The following UBE3D variants were observed in gnomAD, a reference collection of about 807,000 sequenced individuals.
The protein encoded by UBE3D is E3 ubiquitin-protein ligase E3D.
Under a neutral mutation model 49.6 loss-of-function variants are expected in UBE3D, and 48 were observed. That is an observed-to-expected ratio of 0.97 (90% CI 0.77 to 1.23). The LOEUF is 1.23. UBE3D is among the 50% of genes most tolerant of loss of function. UBE3D has a pLI of 0.00. For synonymous variants in UBE3D, 189 were observed against 174.2 expected (o/e 1.08, Z -0.67); for missense variants, 452 against 468.4 (o/e 0.96, Z 0.32).
intron 1 of UBE3D, among the ~76,000 whole-genome samples, chr6:83,060,475 T>A (rs958974604): frequency 6.6e-6 from 1 of 152,206 alleles, no homozygotes; most frequent in East Asian, 1.9e-4. Flanking sequence ...TGTAAATGCA[T>A]GTATGTACAT....
intron 8 of UBE3D, among the ~76,000 whole-genome samples, chr6:83,000,284 A>G (rs1463669845): frequency 6.6e-6 from 1 of 152,212 alleles, no homozygotes; most frequent in African/African-American, 2.4e-5. Context: ...TCTCTTGAAC[A>G]ACTCAAATGC....
intron 4 of UBE3D, among the ~76,000 whole-genome samples, chr6:83,038,747 T>A (rs1782444311): frequency 6.6e-6 from 1 of 152,174 alleles, no homozygotes; most frequent in African/African-American, 2.4e-5. Context: ...ATAATTTGAA[T>A]AAGTAGTACC....
At chr6:82,922,313 G>C (rs1046680331) in intron 9 of UBE3D, among the ~76,000 whole-genome samples, 1 of 152,120 alleles carries the variant, frequency 6.6e-6, no homozygotes, top group Non-Finnish European at 1.5e-5. Context: ...TTTTACAAAT[G>C]AATTTTATGA....
At chr6:82,944,551 G>C (rs1775259266) in intron 9 of UBE3D, among the ~76,000 whole-genome samples, 1 of 152,232 alleles carries the variant, frequency 6.6e-6, no homozygotes, top group Non-Finnish European at 1.5e-5. Context: ...GATGGCTATG[G>C]TGAGAAACTC....
At chr6:82,894,361 C>T (rs1771156729) in intron 9 of UBE3D, among the ~76,000 whole-genome samples, 1 of 152,156 alleles carries the variant, frequency 6.6e-6, no homozygotes, top group African/African-American at 2.4e-5. Context: ...GCCCAAGGAA[C>T]ATCCTATGAC....
At chr6:83,009,745 A>C (rs1419820739) in intron 8 of UBE3D, among the ~76,000 whole-genome samples, 1 of 144,512 alleles carries the variant, frequency 6.9e-6, no homozygotes, top group African/African-American at 2.5e-5. Context: ...GTTTTTGGAG[A>C]GACAGAATAG....
chr6:82,914,229 CTT>C (rs982692323), intron 9 of UBE3D, among the ~76,000 whole-genome samples: 4 of 152,142 alleles, frequency 2.6e-5, no homozygotes, highest in Non-Finnish European at 5.9e-5. Context: ...TGCAGTCTGA[CTT>C]TTAGAAAGGG....
chr6:82,981,996 T>C (rs1461413873), intron 8 of UBE3D, among the ~76,000 whole-genome samples: 1 of 152,136 alleles, frequency 6.6e-6, no homozygotes, highest in Non-Finnish European at 1.5e-5. Context: ...AATAAGCAAA[T>C]AGGCAGAGAC....
intron 8 of UBE3D, among the ~76,000 whole-genome samples, chr6:82,975,970 GAGA>G (rs1344250340): frequency 6.6e-6 from 1 of 152,140 alleles, no homozygotes; most frequent in African/African-American, 2.4e-5. Context: ...CTATTATCAA[GAGA>G]AGATTATTAA....
At chr6:82,930,333 A>C (rs561119583) in intron 9 of UBE3D, among the ~76,000 whole-genome samples, 1 of 152,298 alleles carries the variant, frequency 6.6e-6, no homozygotes, top group South Asian at 2.1e-4. Context: ...GTGAGAATGA[A>C]TTAATACAGT....
At position 83,044,464 on chromosome 6, in the gene UBE3D, C is replaced by G; in HGVS notation, c.561G>C (p.Glu187Asp). 1 of 1,614,142 alleles carries G rather than the reference C, an allele frequency of 6.2e-7. No homozygotes were observed. The highest frequency in any genetic ancestry group is 8.5e-7 in the Non-Finnish European group (1 of 1,179,984). The change falls in exon 4 of 10, where the codon GAG (glutamate) becomes GAC (aspartate). Residue 187 changes from glutamate to aspartate, a missense_variant. Transcript: ENST00000369747. ...GGTTGTCAGAAGAAACACAGCACAT[C>G]TCCACTGGGGATAGTTCAGGTCTTT... ...WQQRPELSPVEMCCVSSDNHC... is the reference protein window; with the variant it reads ...WQQRPELSPVDMCCVSSDNHC...
At chr6:82,884,083 T>A in the UBE3D span, among the ~76,000 whole-genome samples, 1 of 152,228 alleles carries the variant, frequency 6.6e-6, no homozygotes, top group South Asian at 2.1e-4. Context: ...GATGATAATT[T>A]CAAATTTTAA....
chr6:83,000,536 A>G lies in UBE3D; in HGVS notation c.1010+18437T>C, dbSNP rs1779549082. Among the ~76,000 whole-genome samples, 3 of 152,176 alleles carry G rather than the reference A, an allele frequency of 2.0e-5. No homozygotes were observed. In the South Asian group the frequency reaches 6.2e-4, roughly 32 times the overall value. On this transcript the variant is annotated intron_variant, in intron 8 of 9. Transcript: ENST00000369747. ...TTCCTATCTGATCTACCCAAATCCA[A>G]CTATTCTCTAGATGGTTGCCAGAAC...
At chr6:82,990,548 G>C (rs1778815134) in intron 8 of UBE3D, among the ~76,000 whole-genome samples, 1 of 152,108 alleles carries the variant, frequency 6.6e-6, no homozygotes, top group South Asian at 2.1e-4. Flanking sequence ...AAAGTGCTGG[G>C]ATTACAGGCA....
intron 9 of UBE3D, among the ~76,000 whole-genome samples, chr6:82,939,316 AT>A (rs1774831314): frequency 6.6e-6 from 1 of 152,206 alleles, no homozygotes; most frequent in African/African-American, 2.4e-5. Context: ...AAGATTCTAT[AT>A]TTTTAGTTTG....
intron 9 of UBE3D, among the ~76,000 whole-genome samples, chr6:82,926,456 T>C (rs1266074966): frequency 1.3e-5 from 2 of 152,154 alleles, no homozygotes; most frequent in Non-Finnish European, 2.9e-5. Flanking sequence ...GAAATAAGTT[T>C]GAGCACCTTT....
At chr6:83,049,700 C>G (rs1385592623) in intron 3 of UBE3D, 5 of 467,982 alleles carry the variant, frequency 1.1e-5, no homozygotes, top group Admixed American at 2.4e-5. Context: ...ACACCTAGCA[C>G]TACCTTACCA....
At chr6:83,048,515 C>T (rs1261549299) in intron 3 of UBE3D, among the ~76,000 whole-genome samples, 1 of 152,062 alleles carries the variant, frequency 6.6e-6, no homozygotes, top group African/African-American at 2.4e-5. Context: ...ATGTCAAAAC[C>T]CCCTACATGA....
At chr6:83,030,068 C>A (rs974898737) in intron 5 of UBE3D, among the ~76,000 whole-genome samples, 5 of 152,154 alleles carry the variant, frequency 3.3e-5, no homozygotes, top group Admixed American at 3.3e-4. Context: ...ATACTCCCTG[C>A]CATTTTTTGT....
Sources: gnomAD v4.1 joint callset for allele counts (sites outside exome capture counted in the v4.1 genomes callset) on GRCh38, gnomAD v4.1.1 for gene constraint, MANE v1.5 for transcripts, NCBI Gene and HGNC (gene_info 2026-07-23, HGNC 2026-07-21) for gene names.